ARHGAP29: variants seen among roughly 807,000 people sequenced by gnomAD.
The protein encoded by ARHGAP29 is rho GTPase-activating protein 29.
A neutral mutation model predicts 122.6 loss-of-function variants in ARHGAP29; 43 were observed. The observed-to-expected ratio is 0.35, with a 90% CI of 0.27 to 0.45. The LOEUF (loss-of-function observed/expected upper bound fraction) is 0.45. Ranked by LOEUF, ARHGAP29 falls within the 20% of genes least tolerant of loss-of-function variation. The probability of loss-of-function intolerance (pLI) is 1.00; values close to 1 mark genes in which losing one functional copy is unlikely to be tolerated. For synonymous variants in ARHGAP29, 506 were observed against 497.1 expected (o/e 1.02, Z -0.24); for missense variants, 1,303 against 1,477.2 (o/e 0.88, Z 1.93).
intron 1 of ARHGAP29, chr1:94,274,972 A>G (rs1447386828): frequency 6.6e-6 from 1 of 152,182 alleles, no homozygotes; most frequent in Non-Finnish European, 1.5e-5. Context: ...GACCCTCTCT[A>G]AGAGGCCATA....
chr1:94,294,677 C>A, the ARHGAP29 span, among the ~76,000 whole-genome samples: 9 of 152,128 alleles, frequency 5.9e-5, no homozygotes, highest in Non-Finnish European at 1.3e-4. Context: ...CACTAGTGAC[C>A]ACTGGCAGTG....
upstream of ARHGAP29, among the ~76,000 whole-genome samples, chr1:94,241,485 C>T (rs577218843): frequency 3.0e-3 from 447 of 151,518 alleles, 6 homozygotes; most frequent in African/African-American, 0.01. Flanking sequence ...GGCGTGGTGG[C>T]GTGCACATGT....
chr1:94,171,319 A>G lies in ARHGAP29; in HGVS notation c.*2550T>C, dbSNP rs1648725383. On this transcript the variant is annotated 3_prime_UTR_variant, in exon 23 of 23. Coordinates refer to ENST00000260526, the MANE Select transcript of ARHGAP29 (RefSeq NM_004815.4). ...CCTAAGGTACACTAAAAGTAATTTAACATACTGTACTCATAAATTCTAACT... is the reference window on the plus strand; with the variant it reads ...CCTAAGGTACACTAAAAGTAATTTAGCATACTGTACTCATAAATTCTAACT... Among the ~76,000 whole-genome samples the G allele has an allele frequency of 6.6e-6, 1 of 152,240 alleles. No homozygotes were observed. The highest frequency in any genetic ancestry group is 1.5e-5 in the Non-Finnish European group (1 of 68,046).
Position 94,237,580 on chromosome 1 carries a change from C to G in ARHGAP29, c.-198G>C. Reference sequence around the variant, plus strand: ...GCAGCCACAGCCACAGGCACCACCACCACTGCAGCCGCCACCGCCCCTGCA... The same window carrying G: ...GCAGCCACAGCCACAGGCACCACCAGCACTGCAGCCGCCACCGCCCCTGCA... On this transcript the variant is annotated 5_prime_UTR_variant, in exon 1 of 23. Coordinates refer to ENST00000260526, the MANE Select transcript of ARHGAP29 (RefSeq NM_004815.4). The G allele has an allele frequency of 1.0e-6, 1 of 990,530 alleles. No individual in the cohort carries two copies. The highest frequency in any genetic ancestry group is 1.2e-6 in the Non-Finnish European group (1 of 833,686). The allele number at this position is 990,530 out of a possible 1,614,324, so 61.4% of individuals were successfully genotyped here.
chr1:94,254,448 G>A (rs1654246815), intron 1 of ARHGAP29, among the ~76,000 whole-genome samples: 1 of 152,242 alleles, frequency 6.6e-6, no homozygotes. Flanking sequence ...CTTGAAGACA[G>A]TAAGTTGCCT....
the ARHGAP29 span, among the ~76,000 whole-genome samples, chr1:94,303,488 G>A: frequency 1.3e-5 from 2 of 152,166 alleles, no homozygotes; most frequent in Non-Finnish European, 2.9e-5. Flanking sequence ...GAGATGGACG[G>A]TGGTGATGGT....
intron 1 of ARHGAP29, among the ~76,000 whole-genome samples, chr1:94,255,704 G>A (rs184966915): frequency 8.5e-5 from 13 of 152,328 alleles, no homozygotes; most frequent in African/African-American, 3.1e-4. Flanking sequence ...TGAGAAGGCA[G>A]GATGTTTACA....
intron 3 of ARHGAP29, among the ~76,000 whole-genome samples, chr1:94,210,078 T>C (rs1174816812): frequency 6.6e-6 from 1 of 152,218 alleles, no homozygotes; most frequent in Non-Finnish European, 1.5e-5. Context: ...TTAACTTCTG[T>C]ATACACTCTT....
Position 94,185,066 on chromosome 1 carries a change from A to C in ARHGAP29, c.1921-6T>G. The stretch of plus-strand genomic sequence containing the variant: ...CGATGACAAACAAGGAGACACTACA[A>C]GAAAATGATAGTTTGAAACTGGTTA... On this transcript the variant is annotated splice_region_variant and splice_polypyrimidine_tract_variant and intron_variant, in intron 17 of 22. Transcript: ENST00000260526. 6.2e-7 allele frequency: 1 copy of C among 1,603,712 alleles called. No individual in the cohort carries two copies. Among genetic ancestry groups the C allele is most frequent in the Non-Finnish European group, 8.5e-7 (1 of 1,176,218 alleles).
At chr1:94,233,495 T>C (rs1653059663) in intron 1 of ARHGAP29, among the ~76,000 whole-genome samples, 1 of 152,148 alleles carries the variant, frequency 6.6e-6, no homozygotes. Flanking sequence ...TCATCACAAA[T>C]GTAGTGAGTG....
At chr1:94,182,576 C>T (rs1304939201) in intron 19 of ARHGAP29, among the ~76,000 whole-genome samples, 6 of 151,820 alleles carry the variant, frequency 4.0e-5, no homozygotes, top group South Asian at 2.1e-4. Context: ...AGGCCACATA[C>T]AAGAAGTTAG....
the ARHGAP29 span, among the ~76,000 whole-genome samples, chr1:94,303,934 T>C: frequency 6.6e-6 from 1 of 152,246 alleles, no homozygotes; most frequent in Non-Finnish European, 1.5e-5. Flanking sequence ...TATGTTAAGC[T>C]TCTGCCTAAC....
chr1:94,201,618 C>T, intron 12 of ARHGAP29, 102 bp downstream of exon 12: 1 of 1,441,936 alleles, frequency 6.9e-7, no homozygotes, highest in Non-Finnish European at 9.4e-7. Flanking sequence ...AGTGATCCTC[C>T]CACCTCAGCC....
rs1320324991 is a variant in ARHGAP29, at chr1:94,172,580, A to C, written c.*1289T>G. 2.7e-5 allele frequency: 4 copies of C among 149,380 alleles called. No homozygotes were observed. Among genetic ancestry groups the C allele is most frequent in the African/African-American group, 9.8e-5 (4 of 40,800 alleles). The allele number at this position is 149,380 out of a possible 1,614,324, so 9.3% of individuals were successfully genotyped here. On this transcript the variant is annotated 3_prime_UTR_variant, in exon 23 of 23. Transcript: ENST00000260526. ...CTGTAATAGGCAACAACTGAAAAGA[A>C]GCCACGGGAACATGAAATAATTTAA...
intron 1 of ARHGAP29, among the ~76,000 whole-genome samples, chr1:94,260,242 G>A (rs1036384717): frequency 2.6e-5 from 4 of 152,144 alleles, no homozygotes; most frequent in Non-Finnish European, 5.9e-5. Context: ...GGGGCTTCTG[G>A]CTCAGTTTCC....
rs749375661 is a variant in ARHGAP29, at chr1:94,174,476, T to C, written c.3179A>G (p.Asp1060Gly). 5.0e-6 allele frequency: 8 copies of C among 1,614,224 alleles called. No individual in the cohort carries two copies. In the East Asian group the frequency reaches 1.6e-4, roughly 31 times the overall value. Residue 1060 changes from aspartate to glycine, a missense_variant, in exon 23 of 23, where the codon GAC becomes GGC. Physicochemically the swap from Asp to Gly is moderately conservative, Grantham distance 94 (BLOSUM62 -1). Around this residue, in one of 3 missense-constraint regions of ARHGAP29, gnomAD observed 620 missense variants for 651.2 expected, o/e 0.95. Transcript: ENST00000260526. Reference protein sequence around the residue: ...NPAFEGVNRKDAATTVCSKFN... With the variant: ...NPAFEGVNRKGAATTVCSKFN... ...TTTGGAACAAACAGTAGTAGCAGCG[T>C]CTTTTCTATTAACTCCTTCAAAGGC...
intron 4 of ARHGAP29, among the ~76,000 whole-genome samples, 159 bp downstream of exon 4, chr1:94,209,095 C>T (rs768930260): frequency 6.6e-5 from 10 of 152,062 alleles, no homozygotes; most frequent in Non-Finnish European, 1.2e-4. Context: ...AAAATATCTT[C>T]GAATATAGTA....
intron 12 of ARHGAP29, chr1:94,191,802 T>C (rs1650147008): frequency 6.6e-6 from 1 of 152,202 alleles, no homozygotes; most frequent in African/African-American, 2.4e-5. Flanking sequence ...CTCAAAGTAA[T>C]GGCAATATGA....
In ARHGAP29 at chr1:94,178,199, A is replaced by G. The variant is rs1649230285; in HGVS notation, c.2481-32T>C. 2.5e-6 allele frequency: 4 copies of G among 1,572,990 alleles called. No homozygotes were observed. The African/African-American group carries it at 4.1e-5, about 16-fold the overall frequency. On this transcript the variant is annotated intron_variant, in intron 20 of 22. Transcript: ENST00000260526. ...AGTAGAACACATAAAGTTGTATGAGATTTTCCTATTAGAGTTCCTTGACTG... is the reference window on the plus strand; with the variant it reads ...AGTAGAACACATAAAGTTGTATGAGGTTTTCCTATTAGAGTTCCTTGACTG...
Sources: gnomAD v4.1 joint callset for allele counts (sites outside exome capture counted in the v4.1 genomes callset) on GRCh38, gnomAD v4.1.1 for gene constraint, gnomAD v4.1.1 regional missense constraint, MANE v1.5 for transcripts, NCBI Gene and HGNC (gene_info 2026-07-23, HGNC 2026-07-21) for gene names.